THSD7A: variants seen among roughly 807,000 people sequenced by gnomAD.
THSD7A encodes the protein thrombospondin type 1 domain containing 7A, also known as thrombospondin type-1 domain-containing protein 7A.
Under a neutral mutation model 231.3 loss-of-function variants are expected in THSD7A, and 96 were observed. The ratio of observed to expected loss-of-function variants is 0.41; its 90% confidence interval spans 0.35 to 0.49. The LOEUF (loss-of-function observed/expected upper bound fraction) is 0.49, where lower values mean the gene tolerates loss of function less well. Among genes scored for constraint, THSD7A ranks in the 20% least tolerant of loss-of-function variants. THSD7A has a pLI of 0.05. For missense variants in THSD7A, 2,290 were observed against 2,070.2 expected (o/e 1.11, Z -2.06); for synonymous variants, 940 against 743.3 (o/e 1.26, Z -4.30).
At chr7:11,754,840 A>G (rs1263127950) in intron 1 of THSD7A, among the ~76,000 whole-genome samples, 1 of 152,104 alleles carries the variant, frequency 6.6e-6, no homozygotes, top group Non-Finnish European at 1.5e-5. Context: ...CCTTAGGCAT[A>G]AGAATATAAT....
chr7:11,639,322 G>A (rs112093828), intron 1 of THSD7A, among the ~76,000 whole-genome samples: 8 of 152,164 alleles, frequency 5.3e-5, no homozygotes, highest in African/African-American at 1.7e-4. Flanking sequence ...ACTTATAAGG[G>A]TGTCACTTAA....
chr7:11,489,810 G>C (rs543487144), intron 6 of THSD7A, among the ~76,000 whole-genome samples: 6 of 152,052 alleles, frequency 3.9e-5, no homozygotes, highest in Non-Finnish European at 8.8e-5. Context: ...TTCTTTGCTA[G>C]TTTAGCTTTG....
In THSD7A at chr7:11,391,434, C is replaced by T. The variant is rs111868266; in HGVS notation, c.4412-8818G>A. 4.1e-3 allele frequency among the ~76,000 whole-genome samples: 621 copies of T among 152,068 alleles called. 4 individuals carry two copies. The highest frequency in any genetic ancestry group is 0.014 in the African/African-American group (586 of 41,508). ...CAGCCTACTCAAGCCTCAGTAATGG[C>T]AGACGCCCCTCCCCAGCTCGAGCAT... On this transcript the variant is annotated intron_variant, in intron 23 of 27. Coordinates refer to ENST00000423059, the MANE Select transcript of THSD7A (RefSeq NM_015204.3).
chr7:11,374,505 G>C lies in THSD7A; in HGVS notation c.*1289C>G, dbSNP rs1489906253. The C allele has an allele frequency of 2.0e-5, 3 of 152,028 alleles. No individual in the cohort carries two copies. Among genetic ancestry groups the C allele is most frequent in the African/African-American group, 7.2e-5 (3 of 41,404 alleles). The allele number at this position is 152,028 out of a possible 1,614,324, so 9.4% of individuals were successfully genotyped here. A position where few individuals can be genotyped will look rare whatever the true frequency, so the allele number is the denominator to read the frequency against. ...AGACAGACATTCAATCTGAAACTGG[G>C]AAATCAGAGAGAAAGAAAAATCAAC... On this transcript the variant is annotated 3_prime_UTR_variant, in exon 28 of 28. Coordinates refer to ENST00000423059, the MANE Select transcript of THSD7A (RefSeq NM_015204.3).
At chr7:11,399,919 C>T (rs983073332) in intron 23 of THSD7A, among the ~76,000 whole-genome samples, 7 of 152,188 alleles carry the variant, frequency 4.6e-5, no homozygotes, top group African/African-American at 1.7e-4. Context: ...CCCAAATGTC[C>T]ATCAATGATA....
rs1562541189 is a variant in THSD7A, at chr7:11,769,135, A to ATTT, written c.190+62621_190+62622insAAA. 4.4e-4 allele frequency among the ~76,000 whole-genome samples: 16 copies of ATTT among 36,602 alleles called. 1 individual carries two copies. The highest frequency in any genetic ancestry group is 4.9e-4 in the African/African-American group (6 of 12,132). The allele number at this position is 36,602 out of a possible 152,430, so 24.0% of individuals were successfully genotyped here. ...ATAATTCCTGGCAATATATATATAT[A>ATTT]TATATATATATATATATATTTTTTT... On this transcript the variant is annotated intron_variant, in intron 1 of 27. Transcript: ENST00000423059.
intron 6 of THSD7A, among the ~76,000 whole-genome samples, chr7:11,526,277 G>A (rs1161424100): frequency 6.6e-6 from 1 of 152,080 alleles, no homozygotes; most frequent in Non-Finnish European, 1.5e-5. Context: ...CTATACTTCT[G>A]TGCTTTGCAT....
chr7:11,636,252 A>G lies in THSD7A; in HGVS notation c.900T>C (p.Ile300=), dbSNP rs764370707. ...GVKDPEAREL[I]KKKRNRNRQN... is the part of the protein sequence containing the mutation. ...GCCTGTTTCTGTTTCTCTTTTTCTT[A>G]ATAAGCTCGCGGGCTTCTGGATCCT... Residue 300 remains isoleucine, a synonymous_variant, in exon 2 of 28, where the codon ATT becomes ATC. Coordinates refer to ENST00000423059, the MANE Select transcript of THSD7A (RefSeq NM_015204.3). This position sits in a 1 kb window ranked among gnomAD's most constrained non-coding sequence, Gnocchi z 10.0. 1 of 1,613,872 alleles carries G rather than the reference A, an allele frequency of 6.2e-7. No homozygotes were observed. Among genetic ancestry groups the G allele is most frequent in the Non-Finnish European group, 8.5e-7 (1 of 1,179,864 alleles).
Position 11,832,091 on chromosome 7 carries a change from C to T in THSD7A, c.-145G>A, listed in dbSNP as rs1183234806. The T allele has an allele frequency of 2.0e-6, 1 of 504,476 alleles. No individual in the cohort carries two copies. The highest frequency in any genetic ancestry group is 9.4e-5 in the South Asian group (1 of 10,676). The allele number at this position is 504,476 out of a possible 1,614,324, so 31.2% of individuals were successfully genotyped here. On this transcript the variant is annotated 5_prime_UTR_variant, in exon 1 of 28. Transcript: ENST00000423059. Reference sequence around the variant, plus strand: ...CTTCAGATGAGAAGGAGGGAGAGCGCGTCTAACACCAGGGAACAATAGCGT... The same window carrying T: ...CTTCAGATGAGAAGGAGGGAGAGCGTGTCTAACACCAGGGAACAATAGCGT...
At chr7:11,758,373 C>T (rs1282265435) in intron 1 of THSD7A, among the ~76,000 whole-genome samples, 3 of 151,800 alleles carry the variant, frequency 2.0e-5, no homozygotes, top group South Asian at 2.1e-4. Flanking sequence ...AATGCATGGC[C>T]GAGCTGATAT....
In THSD7A at chr7:11,807,267, G is replaced by T. The variant is rs376183041; in HGVS notation, c.190+24490C>A. Among the ~76,000 whole-genome samples, 47 of 152,206 alleles carry T rather than the reference G, an allele frequency of 3.1e-4. No homozygotes were observed. In the East Asian group the frequency reaches 8.1e-3, roughly 26 times the overall value. On this transcript the variant is annotated intron_variant, in intron 1 of 27. Coordinates refer to ENST00000423059, the MANE Select transcript of THSD7A (RefSeq NM_015204.3). Reference sequence around the variant, plus strand: ...AAACCTAGTACTAAAACCTGTGAGGGACTGGGTGTGCAAATGATCAAGGTG... The same window carrying T: ...AAACCTAGTACTAAAACCTGTGAGGTACTGGGTGTGCAAATGATCAAGGTG...
chr7:11,647,844 G>A (rs549447058), intron 1 of THSD7A, among the ~76,000 whole-genome samples: 1 of 152,162 alleles, frequency 6.6e-6, no homozygotes, highest in Admixed American at 6.6e-5. Flanking sequence ...GCCTCGGTGA[G>A]AAGAAGCTTA....
intron 6 of THSD7A, among the ~76,000 whole-genome samples, chr7:11,527,270 A>G (rs1366450765): frequency 8.5e-5 from 13 of 152,194 alleles, no homozygotes; most frequent in Non-Finnish European, 1.0e-4. Context: ...TTGTGACAAC[A>G]TGTCATTTCT....
intron 1 of THSD7A, among the ~76,000 whole-genome samples, chr7:11,771,215 T>C (rs548051336): frequency 2.8e-4 from 43 of 151,428 alleles, no homozygotes; most frequent in Admixed American, 2.6e-4. Context: ...ATAAAAAATT[T>C]ACATTGGAAT....
intron 1 of THSD7A, among the ~76,000 whole-genome samples, chr7:11,753,148 C>T (rs531238467): frequency 1.3e-5 from 2 of 152,224 alleles, no homozygotes; most frequent in Non-Finnish European, 2.9e-5. Context: ...TTATATATCA[C>T]TGCATCTTCA....
At chr7:11,425,529 C>T (rs117474875) in intron 15 of THSD7A, among the ~76,000 whole-genome samples, 47 of 152,102 alleles carry the variant, frequency 3.1e-4, no homozygotes, top group Non-Finnish European at 5.6e-4. Context: ...GCCTTTCAGT[C>T]CCACATTTGG....
At chr7:11,766,967 A>G (rs1166125404) in intron 1 of THSD7A, among the ~76,000 whole-genome samples, 1 of 152,196 alleles carries the variant, frequency 6.6e-6, no homozygotes, top group African/African-American at 2.4e-5. Flanking sequence ...GCAGAGTAAG[A>G]GAAGGTCTTT....
At chr7:11,413,172 CATTTT>C (rs909897683) in intron 17 of THSD7A, among the ~76,000 whole-genome samples, 1 of 151,808 alleles carries the variant, frequency 6.6e-6, no homozygotes, top group Non-Finnish European at 1.5e-5. Context: ...CCTTAAAAGA[CATTTT>C]AAGAATAACT....
chr7:11,785,360 C>A (rs977564576), intron 1 of THSD7A, among the ~76,000 whole-genome samples: 1 of 152,104 alleles, frequency 6.6e-6, no homozygotes, highest in Non-Finnish European at 1.5e-5. Context: ...CCTCAGCCTC[C>A]TGAGTAACTG....
Sources: allele counts gnomAD v4.1 joint callset (sites outside exome capture counted in the v4.1 genomes callset), GRCh38; gene constraint gnomAD v4.1.1; non-coding constraint Gnocchi (gnomAD v3.1); transcripts MANE v1.5; gene names NCBI Gene and HGNC (gene_info 2026-07-23, HGNC 2026-07-21).